Variants in PACRG observed in about 807,000 individuals in gnomAD.
PACRG encodes parkin coregulated gene protein.
PACRG carries 29 observed loss-of-function variants against 29.7 expected under a neutral mutation model. That is an observed-to-expected ratio of 0.98 (90% confidence interval 0.73 to 1.33). The LOEUF is 1.33. Among genes scored for constraint, PACRG ranks in the 40% most tolerant of loss-of-function variants. The probability of loss-of-function intolerance (pLI) is 0.00; values close to 1 mark genes in which losing one functional copy is unlikely to be tolerated. For synonymous variants in PACRG, 116 were observed against 118.7 expected (o/e 0.98, Z 0.15); for missense variants, 279 against 316.2 (o/e 0.88, Z 0.89).
At chr6:163,140,560 G>A (rs1482114172) in intron 4 of PACRG, among the ~76,000 whole-genome samples, 2 of 152,144 alleles carry the variant, frequency 1.3e-5, no homozygotes, top group African/African-American at 2.4e-5. Flanking sequence ...GAAAGAGAGA[G>A]CAACAATTGA....
intron 2 of PACRG, among the ~76,000 whole-genome samples, chr6:162,970,904 A>G (rs1801475011): frequency 6.6e-6 from 1 of 152,166 alleles, no homozygotes; most frequent in African/African-American, 2.4e-5. Flanking sequence ...TTGTACTGCA[A>G]CTCAACAATT....
chr6:163,189,234 T>A (rs1316657121), intron 4 of PACRG, among the ~76,000 whole-genome samples: 2 of 152,282 alleles, frequency 1.3e-5, no homozygotes, highest in Admixed American at 6.5e-5. Context: ...AGGCATGAGA[T>A]GGACATAAGG....
chr6:163,275,834 A>G (rs1784003800), intron 4 of PACRG, among the ~76,000 whole-genome samples: 1 of 152,210 alleles, frequency 6.6e-6, no homozygotes, highest in African/African-American at 2.4e-5. Context: ...TTCAAAGGAC[A>G]TAGTGACTGC....
At chr6:162,937,468 G>C (rs1187375180) in intron 2 of PACRG, among the ~76,000 whole-genome samples, 1 of 152,112 alleles carries the variant, frequency 6.6e-6, no homozygotes, top group East Asian at 1.9e-4. Flanking sequence ...TGGAGGCCAA[G>C]AGACACCTAT....
intron 2 of PACRG, among the ~76,000 whole-genome samples, chr6:162,834,557 C>A (rs925009689): frequency 1.3e-5 from 2 of 151,640 alleles, no homozygotes; most frequent in Admixed American, 1.3e-4. Context: ...CCTGCAAAGA[C>A]CCTGATTCTG....
chr6:163,018,778 A>G (rs567935758), intron 2 of PACRG, among the ~76,000 whole-genome samples: 1 of 122,844 alleles, frequency 8.1e-6, no homozygotes, highest in East Asian at 3.5e-4. Flanking sequence ...CTTGAGTTTA[A>G]TATGTCAGCA....
At chr6:162,953,274 C>A (rs1274865138) in intron 2 of PACRG, among the ~76,000 whole-genome samples, 2 of 152,104 alleles carry the variant, frequency 1.3e-5, no homozygotes, top group African/African-American at 4.8e-5. Flanking sequence ...CTTTAGCAAT[C>A]TGTATTATTT....
chr6:163,277,293 T>C (rs1284589748), intron 4 of PACRG, among the ~76,000 whole-genome samples: 5 of 152,050 alleles, frequency 3.3e-5, no homozygotes, highest in African/African-American at 1.2e-4. Context: ...GTCCAATGTA[T>C]CATTCTCATG....
At chr6:163,103,581 T>C (rs974140782) in intron 4 of PACRG, among the ~76,000 whole-genome samples, 2 of 152,210 alleles carry the variant, frequency 1.3e-5, no homozygotes, top group African/African-American at 4.8e-5. Flanking sequence ...GTCAGCAGAT[T>C]AGTAACCTTA....
rs550400380 is a variant in PACRG at position 163,115,398 on chromosome 6, A to T, written c.613+25990A>T. ...TAAAATTGTCCAGTGGTAAAGCTTG[A>T]TATGCTGTGTGGATGGTAAATGTTT... On this transcript the variant is annotated intron_variant, in intron 4 of 4. Coordinates refer to ENST00000366888, the MANE Select transcript of PACRG (RefSeq NM_001080379.2). Among the ~76,000 whole-genome samples the T allele has an allele frequency of 2.0e-5, 3 of 152,246 alleles. No homozygotes were observed. In the East Asian group the frequency reaches 5.8e-4, roughly 29 times the overall value.
At chr6:163,048,175 C>G (rs535695790) in intron 2 of PACRG, among the ~76,000 whole-genome samples, 1 of 152,162 alleles carries the variant, frequency 6.6e-6, no homozygotes, top group South Asian at 2.1e-4. Context: ...TTTGCATGTA[C>G]TTTTCTTGTG....
chr6:162,759,743 G>A (rs1348040915), intron 1 of PACRG, among the ~76,000 whole-genome samples: 1 of 152,090 alleles, frequency 6.6e-6, no homozygotes, highest in African/African-American at 2.4e-5. Context: ...CAATAGAATG[G>A]GTGATTATAT....
intron 2 of PACRG, among the ~76,000 whole-genome samples, chr6:162,915,842 A>G (rs2128086082): frequency 6.6e-6 from 1 of 152,182 alleles, no homozygotes; most frequent in East Asian, 1.9e-4. Flanking sequence ...CCTTTATTTT[A>G]TAGTTGTGAT....
intron 2 of PACRG, among the ~76,000 whole-genome samples, chr6:163,056,053 A>C (rs73785706): frequency 0.021 from 3,177 of 152,346 alleles, 123 homozygotes; most frequent in African/African-American, 0.072. Context: ...AATCTAAACC[A>C]CAGGAAATAC....
chr6:162,977,309 A>AT (rs1802038018), intron 2 of PACRG, among the ~76,000 whole-genome samples: 1 of 152,082 alleles, frequency 6.6e-6, no homozygotes, highest in Non-Finnish European at 1.5e-5. Flanking sequence ...ATGAATATAA[A>AT]TTGTCATGTA....
chr6:163,123,073 A>C (rs999365410), intron 4 of PACRG, among the ~76,000 whole-genome samples: 1 of 152,350 alleles, frequency 6.6e-6, no homozygotes, highest in Non-Finnish European at 1.5e-5. Context: ...CCGGTACAGA[A>C]GGAGCTGGGC....
At chr6:163,231,190 C>T (rs1175111363) in intron 4 of PACRG, among the ~76,000 whole-genome samples, 1 of 152,226 alleles carries the variant, frequency 6.6e-6, no homozygotes, top group African/African-American at 2.4e-5. Context: ...GCTGGGGTTT[C>T]TCCTGCCAGC....
At chr6:163,110,878 C>G (rs183309696) in intron 4 of PACRG, among the ~76,000 whole-genome samples, 1 of 152,290 alleles carries the variant, frequency 6.6e-6, no homozygotes, top group Admixed American at 6.5e-5. Context: ...GCTTGCATGA[C>G]CACAGGCCAG....
At chr6:163,166,226 G>C (rs1230274823) in intron 4 of PACRG, 4 of 456,084 alleles carry the variant, frequency 8.8e-6, no homozygotes, top group Non-Finnish European at 1.8e-5. Flanking sequence ...TTCTCTCCCT[G>C]CTCTCCTCTT....
Sources: gnomAD v4.1 joint callset for allele counts (sites outside exome capture counted in the v4.1 genomes callset) on GRCh38, gnomAD v4.1.1 for gene constraint, MANE v1.5 for transcripts, NCBI Gene and HGNC (gene_info 2026-07-23, HGNC 2026-07-21) for gene names.